The following RPS6KA2 variants were observed in gnomAD, a reference collection of about 807,000 sequenced individuals.
RPS6KA2 encodes ribosomal protein S6 kinase A2, also known as ribosomal protein S6 kinase alpha-2.
RPS6KA2 carries 42 observed loss-of-function variants against 91.8 expected under a neutral mutation model. The observed-to-expected ratio is 0.46, with a 90% CI of 0.36 to 0.59. The LOEUF is 0.59. RPS6KA2 is among the 20% of genes least tolerant of loss of function. The probability of loss-of-function intolerance (pLI) is 0.00; values close to 1 mark genes in which losing one functional copy is unlikely to be tolerated. For synonymous variants in RPS6KA2, 414 were observed against 393.6 expected (o/e 1.05, Z -0.61); for missense variants, 798 against 978.5 (o/e 0.82, Z 2.46).
rs1312040309 is a variant in RPS6KA2 at position 166,681,700 on chromosome 6, CCG to C, written c.124-142918_124-142917del. Among the ~76,000 whole-genome samples the C allele has an allele frequency of 1.0e-3, 76 of 74,468 alleles. 3 individuals are homozygous for C. Among genetic ancestry groups the C allele is most frequent in the African/African-American group, 5.0e-3 (69 of 13,742 alleles). The allele number at this position is 74,468 out of a possible 152,430, so 48.9% of individuals were successfully genotyped here. ...GATCTCCCCCTGCCCGCCCCCCCCC[CCG>C]CCCCCGCCCAAGATCTTGCTCTTGG... On this transcript the variant is annotated intron_variant, in intron 2 of 21. Coordinates refer to the RPS6KA2 transcript ENST00000503859.
intron 5 of RPS6KA2, 66 bp from the exon 6 acceptor site, chr6:166,504,678 A>C: frequency 8.4e-7 from 1 of 1,184,104 alleles, no homozygotes; most frequent in Admixed American, 1.9e-5. Context: ...GGTGTGTTTT[A>C]AAGAACTCTG....
rs2128557993 is a variant in RPS6KA2, at chr6:166,662,234, T to C, written c.124-123450A>G. 6.6e-6 allele frequency among the ~76,000 whole-genome samples: 1 copy of C among 152,372 alleles called. No individual in the cohort carries two copies. The highest frequency in any genetic ancestry group is 2.1e-4 in the South Asian group (1 of 4,824). On this transcript the variant is annotated intron_variant, in intron 2 of 21. Coordinates refer to the RPS6KA2 transcript ENST00000503859. The surrounding 1 kb of genome is among the most constrained non-coding windows in gnomAD (Gnocchi z 4.3). ...TTGAATTCTCTGCTTCATGTACCTT[T>C]AATTCACTGGTATTCTTTTTTCTGG...
At chr6:166,483,990 A>G (rs1387773341) in intron 10 of RPS6KA2, among the ~76,000 whole-genome samples, 1 of 152,266 alleles carries the variant, frequency 6.6e-6, no homozygotes, top group Non-Finnish European at 1.5e-5. Flanking sequence ...GGGTAAGCGC[A>G]CAGAAACAGC....
At chr6:166,644,362 T>G (rs1458100799) in intron 2 of RPS6KA2, among the ~76,000 whole-genome samples, 1 of 152,184 alleles carries the variant, frequency 6.6e-6, no homozygotes, top group Admixed American at 6.6e-5. Context: ...CAAATCAATG[T>G]GCGTCCCATT....
intron 2 of RPS6KA2, among the ~76,000 whole-genome samples, chr6:166,847,767 G>A (rs993715861): frequency 1.3e-5 from 2 of 152,058 alleles, no homozygotes; most frequent in African/African-American, 4.8e-5. Flanking sequence ...ACTCAAGATG[G>A]ATCAAAGACT....
chr6:166,669,412 A>G (rs1788411852), intron 2 of RPS6KA2, among the ~76,000 whole-genome samples: 1 of 152,208 alleles, frequency 6.6e-6, no homozygotes, highest in Non-Finnish European at 1.5e-5. Context: ...ACAGCTATGT[A>G]GTCAACACAC....
At chr6:166,476,404 ACAGCT>A (rs1780976960) in intron 10 of RPS6KA2, among the ~76,000 whole-genome samples, 1 of 152,078 alleles carries the variant, frequency 6.6e-6, no homozygotes, top group Non-Finnish European at 1.5e-5. Context: ...CGGCCAACGA[ACAGCT>A]CAGTGTTCAC....
chr6:166,770,798 A>G lies in RPS6KA2; in HGVS notation c.123+87402T>C. 2.7e-6 allele frequency: 4 copies of G among 1,454,688 alleles called. No individual in the cohort carries two copies. Among genetic ancestry groups the G allele is most frequent in the Non-Finnish European group, 2.8e-6 (3 of 1,076,562 alleles). 90.1% of individuals were successfully genotyped at this position (1,454,688 alleles called of 1,614,324 possible). A position where few individuals can be genotyped will look rare whatever the true frequency, so the allele number is the denominator to read the frequency against. On this transcript the variant is annotated intron_variant, in intron 2 of 21. Coordinates refer to the RPS6KA2 transcript ENST00000503859. The surrounding 1 kb of genome is among the most constrained non-coding windows in gnomAD (Gnocchi z 5.1). The stretch of plus-strand genomic sequence containing the variant: ...TAAATTGAAAAAGACTTCATGTTTA[A>G]CTTAAAAAAAAAATGTAACTCACAT...
chr6:166,800,297 C>A (rs901661679), intron 2 of RPS6KA2, among the ~76,000 whole-genome samples: 1 of 152,176 alleles, frequency 6.6e-6, no homozygotes, highest in East Asian at 1.9e-4. Flanking sequence ...CCCTAGAGCA[C>A]GGGGAGGACA....
intron 2 of RPS6KA2, among the ~76,000 whole-genome samples, chr6:166,809,738 G>C (rs188267100): frequency 1.3e-5 from 2 of 152,328 alleles, no homozygotes; most frequent in African/African-American, 4.8e-5. Context: ...CTGCAGGTGG[G>C]TGCAGGTGGC....
In RPS6KA2 at chr6:166,733,752, G is replaced by T. The variant is rs186245952; in HGVS notation, c.123+124448C>A. ...AAGTGGGGAAGTGGAGGCTGCCCTG[G>T]TAGGTGCCATCCCTAAACTGTTTGG... On this transcript the variant is annotated intron_variant, in intron 2 of 21. Transcript: ENST00000503859. The surrounding 1 kb of genome is among the most constrained non-coding windows in gnomAD (Gnocchi z 4.1). Among the ~76,000 whole-genome samples, 19 of 152,294 alleles carry T rather than the reference G, an allele frequency of 1.2e-4. No homozygotes were observed. The highest frequency in any genetic ancestry group is 4.3e-4 in the African/African-American group (18 of 41,548).
chr6:166,540,946 A>G (rs961635607), intron 1 of RPS6KA2, among the ~76,000 whole-genome samples: 2 of 152,222 alleles, frequency 1.3e-5, no homozygotes, highest in Admixed American at 6.5e-5. Context: ...TTGACCTACG[A>G]AAGGAAGAAA....
chr6:166,489,064 T>C lies in RPS6KA2; in HGVS notation c.819-143A>G, dbSNP rs1781507790. 4 of 620,536 alleles carry C rather than the reference T, an allele frequency of 6.4e-6. No homozygotes were observed. The South Asian group carries it at 7.9e-5, about 12-fold the overall frequency. The allele number at this position is 620,536 out of a possible 1,614,324, so 38.4% of individuals were successfully genotyped here. A position where few individuals can be genotyped will look rare whatever the true frequency, so the allele number is the denominator to read the frequency against. ...TACCACGTGGGTCTTAGGACCCTTT[T>C]ATGCTTTAAAAGTTACTGAGGACAC... On this transcript the variant is annotated intron_variant, in intron 9 of 20. Coordinates refer to ENST00000265678, the MANE Select transcript of RPS6KA2 (RefSeq NM_021135.6).
At chr6:166,451,548 T>C (rs1174195385) in intron 12 of RPS6KA2, among the ~76,000 whole-genome samples, 1 of 152,224 alleles carries the variant, frequency 6.6e-6, no homozygotes, top group East Asian at 1.9e-4. Context: ...ATTTACTCTA[T>C]ATTCTTGACC....
At chr6:166,449,945 A>G (rs116506556) in intron 13 of RPS6KA2, among the ~76,000 whole-genome samples, 1,976 of 91,654 alleles carry the variant, frequency 0.022, 406 homozygotes, top group Middle Eastern at 0.046. Flanking sequence ...GGACCACCAC[A>G]GGAACCACTA....
chr6:166,776,555 A>C (rs1778624675), intron 2 of RPS6KA2, among the ~76,000 whole-genome samples: 1 of 152,144 alleles, frequency 6.6e-6, no homozygotes, highest in Non-Finnish European at 1.5e-5. Flanking sequence ...ACGCCCATGA[A>C]GCAGTTGCTC....
At chr6:166,546,184 A>G (rs1233184117) in intron 1 of RPS6KA2, among the ~76,000 whole-genome samples, 1 of 152,182 alleles carries the variant, frequency 6.6e-6, no homozygotes, top group Non-Finnish European at 1.5e-5. Flanking sequence ...ACTGACTGAC[A>G]TGAGTGTATT....
intron 2 of RPS6KA2, among the ~76,000 whole-genome samples, chr6:166,685,525 T>A (rs552794508): frequency 6.6e-6 from 1 of 152,336 alleles, no homozygotes; most frequent in Non-Finnish European, 1.5e-5. Flanking sequence ...GGAGGTGAAC[T>A]GATGGATTCA....
intron 2 of RPS6KA2, among the ~76,000 whole-genome samples, chr6:166,709,511 T>C (rs1038327534): frequency 6.6e-6 from 1 of 152,170 alleles, no homozygotes; most frequent in East Asian, 1.9e-4. Context: ...AAAAAACTAT[T>C]TGATGGCTTC....
Sources: allele counts gnomAD v4.1 joint callset (sites outside exome capture counted in the v4.1 genomes callset), GRCh38; gene constraint gnomAD v4.1.1; non-coding constraint Gnocchi (gnomAD v3.1); transcripts MANE v1.5; gene names NCBI Gene and HGNC (gene_info 2026-07-23, HGNC 2026-07-21).